Variants in FAN1 observed in about 807,000 individuals in gnomAD.
FAN1 encodes fanconi-associated nuclease 1.
FAN1 carries 91 observed loss-of-function variants against 104.9 expected under a neutral mutation model. The ratio of observed to expected loss-of-function variants is 0.87; its 90% CI spans 0.73 to 1.03. FAN1 has a LOEUF of 1.03. Ranked by LOEUF, FAN1 falls within the 50% of genes least tolerant of loss-of-function variation. The probability of loss-of-function intolerance (pLI) is 0.00; values close to 1 mark genes in which losing one functional copy is unlikely to be tolerated. For synonymous variants in FAN1, 478 were observed against 457.6 expected (o/e 1.04, Z -0.57); for missense variants, 1,263 against 1,239.9 (o/e 1.02, Z -0.28).
intron 6 of FAN1, among the ~76,000 whole-genome samples, chr15:30,919,597 G>A (rs939421499): frequency 6.6e-6 from 1 of 151,240 alleles, no homozygotes; most frequent in Non-Finnish European, 1.5e-5. Context: ...GCTGAGGCAG[G>A]AGAATCACAT....
At chr15:30,927,490 C>T (rs2062494422) in intron 10 of FAN1, 1 of 985,588 alleles carries the variant, frequency 1.0e-6, no homozygotes, top group Admixed American at 6.1e-5. Flanking sequence ...AGCACAGCCT[C>T]AGAAGTGCAG....
intron 14 of FAN1, chr15:30,939,435 G>A (rs1405665669): frequency 1.0e-6 from 1 of 985,290 alleles, no homozygotes; most frequent in Non-Finnish European, 1.2e-6. Flanking sequence ...GGTATAAGCA[G>A]CTTCACCCTG....
chr15:30,907,228 A>T (rs1426147937), intron 2 of FAN1, among the ~76,000 whole-genome samples: 1 of 152,034 alleles, frequency 6.6e-6, no homozygotes, highest in Non-Finnish European at 1.5e-5. Flanking sequence ...TTACAAGCAT[A>T]AGCCATAGGC....
intron 13 of FAN1, among the ~76,000 whole-genome samples, chr15:30,932,552 G>A (rs2062740357): frequency 6.6e-6 from 1 of 151,992 alleles, no homozygotes; most frequent in African/African-American, 2.4e-5. Flanking sequence ...GAGATTTTGG[G>A]GGGAGGAAAA....
chr15:30,924,143 C>T (rs1595859162), intron 8 of FAN1, among the ~76,000 whole-genome samples: 2 of 152,210 alleles, frequency 1.3e-5, no homozygotes, highest in African/African-American at 4.8e-5. Flanking sequence ...CATCATGTTT[C>T]TGAGCTTCAC....
rs1185378027 is a variant in FAN1 at position 30,926,794 on chromosome 15, G to GC, written c.2488+857dup. 6.1e-6 allele frequency: 6 copies of GC among 985,288 alleles called. No homozygotes were observed. The Admixed American group carries it at 3.1e-4, about 50-fold the overall frequency. The allele number at this position is 985,288 out of a possible 1,614,324, so 61.0% of individuals were successfully genotyped here. On this transcript the variant is annotated intron_variant, in intron 10 of 14. Coordinates refer to ENST00000362065, the MANE Select transcript of FAN1 (RefSeq NM_014967.5). ...GGAGCGCTGAAATGCTTTCAGTTGAGCCATGAGCCTGAAAAACACACGATT... is the reference window on the plus strand; with the variant it reads ...GGAGCGCTGAAATGCTTTCAGTTGAGCCCATGAGCCTGAAAAACACACGATT...
intron 2 of FAN1, among the ~76,000 whole-genome samples, chr15:30,906,816 T>A (rs916347131): frequency 6.6e-6 from 1 of 152,208 alleles, no homozygotes; most frequent in African/African-American, 2.4e-5. Flanking sequence ...ATCTCTACTT[T>A]TGCTGTTCTC....
In FAN1 at chr15:30,941,755, G is replaced by A. The variant is rs757512435; in HGVS notation, c.*193G>A. 6.2e-6 allele frequency: 10 copies of A among 1,613,988 alleles called. No individual in the cohort carries two copies. In the African/African-American group the frequency reaches 6.7e-5, roughly 11 times the overall value. On this transcript the variant is annotated 3_prime_UTR_variant, in exon 15 of 15. Coordinates refer to ENST00000362065, the MANE Select transcript of FAN1 (RefSeq NM_014967.5). ...GTACGTCGACTTCATCAGCCAGGAG[G>A]GAGAGCTTGTGAAAGGCTGTGATGG...
Position 30,908,327 on chromosome 15 carries a change from G to T in FAN1, c.1375+69G>T, listed in dbSNP as rs530040866. 1.9e-5 allele frequency: 26 copies of T among 1,389,568 alleles called. No individual in the cohort carries two copies. The African/African-American group carries it at 3.3e-4, about 18-fold the overall frequency. 86.1% of individuals were successfully genotyped at this position (1,389,568 alleles called of 1,614,324 possible). A position where few individuals can be genotyped will look rare whatever the true frequency, so the allele number is the denominator to read the frequency against. On this transcript the variant is annotated intron_variant, in intron 3 of 14. Transcript: ENST00000362065. ...AGAACTGAGCTTCTGCAGAATGATGGCAGTATTATTATGGTGCCCTCCCCG... is the reference window on the plus strand; with the variant it reads ...AGAACTGAGCTTCTGCAGAATGATGTCAGTATTATTATGGTGCCCTCCCCG...
intron 4 of FAN1, chr15:30,911,089 T>C: frequency 8.4e-7 from 1 of 1,196,316 alleles, no homozygotes; most frequent in Non-Finnish European, 1.0e-6. Flanking sequence ...CCGAGAAAAA[T>C]ACAGTTTTAA....
chr15:30,930,908 G>A (rs1163070085), intron 13 of FAN1, among the ~76,000 whole-genome samples: 1 of 152,138 alleles, frequency 6.6e-6, no homozygotes, highest in Non-Finnish European at 1.5e-5. Context: ...GACTTGATGT[G>A]GACATGATGT....
At chr15:30,938,973 A>G (rs187598489) in intron 14 of FAN1, 3 of 985,422 alleles carry the variant, frequency 3.0e-6, no homozygotes, top group Non-Finnish European at 3.6e-6. Context: ...TAAGCCATCA[A>G]AATTTCCTTC....
chr15:30,905,171 A>G lies in FAN1; in HGVS notation c.508A>G (p.Ile170Val). Reference protein sequence around the residue: ...SRKYVKAKKSIDKDEEFAGSS... With the variant: ...SRKYVKAKKSVDKDEEFAGSS... ...AAAATACGTAAAGGCTAAAAAATCAATAGATAAGGATGAAGAATTTGCCGG... is the reference window on the plus strand; with the variant it reads ...AAAATACGTAAAGGCTAAAAAATCAGTAGATAAGGATGAAGAATTTGCCGG... The change falls in exon 2 of 15, where the codon ATA (isoleucine) becomes GTA (valine). Residue 170 changes from isoleucine (I) to valine (V), a missense_variant. Transcript: ENST00000362065. 2 of 1,613,774 alleles carry G rather than the reference A, an allele frequency of 1.2e-6. No homozygotes were observed. Among genetic ancestry groups the G allele is most frequent in the South Asian group, 1.1e-5 (1 of 91,080 alleles).
chr15:30,927,103 G>A, intron 10 of FAN1: 1 of 932,930 alleles, frequency 1.1e-6, no homozygotes, highest in Non-Finnish European at 1.3e-6. Flanking sequence ...CTTGAACTCT[G>A]AAGACGGAGG....
rs2061941921 is a variant in FAN1 at position 30,905,024 on chromosome 15, G to A, written c.361G>A (p.Val121Ile). ...CCAAAGTGATTCAGCAAAAAGGGAAGTAAAGCAGAAGATCAGTCCCTACTT... is the reference window on the plus strand; with the variant it reads ...CCAAAGTGATTCAGCAAAAAGGGAAATAAAGCAGAAGATCAGTCCCTACTT... ...PGQSDSAKRE[V>I]KQKISPYFKS... Residue 121 changes from valine (V) to isoleucine (I), a missense_variant, in exon 2 of 15, where the codon GTA becomes ATA. Around this residue, in one of 2 missense-constraint regions of FAN1, gnomAD observed 682 missense variants for 571.1 expected, o/e 1.19. Coordinates refer to ENST00000362065, the MANE Select transcript of FAN1 (RefSeq NM_014967.5). 8 of 1,613,964 alleles carry A rather than the reference G, an allele frequency of 5.0e-6. No homozygotes were observed. The highest frequency in any genetic ancestry group is 1.3e-5 in the African/African-American group (1 of 74,940).
Position 30,942,023 on chromosome 15 carries a change from C to G in FAN1, c.*461C>G. 6.2e-7 allele frequency: 1 copy of G among 1,613,920 alleles called. No homozygotes were observed. Among genetic ancestry groups the G allele is most frequent in the Middle Eastern group, 1.6e-4 (1 of 6,062 alleles). ...AAGTAATTCTTGGTCACTGATGATTCCATTCTTTAAGGCAGACGGCATTCC... is the reference window on the plus strand; with the variant it reads ...AAGTAATTCTTGGTCACTGATGATTGCATTCTTTAAGGCAGACGGCATTCC... On this transcript the variant is annotated 3_prime_UTR_variant, in exon 15 of 15. Transcript: ENST00000362065.
intron 13 of FAN1, among the ~76,000 whole-genome samples, chr15:30,931,896 A>G (rs1473979319): frequency 1.3e-5 from 2 of 150,762 alleles, no homozygotes; most frequent in African/African-American, 4.9e-5. Context: ...TATTTGAATT[A>G]TAACATCAAA....
chr15:30,932,022 A>G (rs1004706045), intron 13 of FAN1, among the ~76,000 whole-genome samples: 2 of 151,804 alleles, frequency 1.3e-5, no homozygotes, highest in African/African-American at 4.8e-5. Flanking sequence ...GGAGATTGAG[A>G]CCATCCTGGC....
At chr15:30,908,020 C>G (rs948781487) in intron 2 of FAN1, 98 bp from the exon 3 acceptor site, 1 of 959,676 alleles carries the variant, frequency 1.0e-6, no homozygotes, top group Non-Finnish European at 1.5e-6. Flanking sequence ...CTTATACATA[C>G]AGTAAGCATA....
Sources: gnomAD v4.1 joint callset for allele counts (sites outside exome capture counted in the v4.1 genomes callset) on GRCh38, gnomAD v4.1.1 for gene constraint, gnomAD v4.1.1 regional missense constraint, MANE v1.5 for transcripts, NCBI Gene and HGNC (gene_info 2026-07-23, HGNC 2026-07-21) for gene names.